The following CSMD1 variants were observed in gnomAD, a reference collection of about 807,000 sequenced individuals.
CSMD1 encodes the protein CUB and sushi domain-containing protein 1.
A neutral mutation model predicts 417.5 loss-of-function variants in CSMD1; 213 were observed. The observed-to-expected ratio is 0.51, with a 90% CI of 0.46 to 0.57. The LOEUF (loss-of-function observed/expected upper bound fraction) is 0.57, where lower values mean the gene tolerates loss of function less well. CSMD1 is among the 20% of genes least tolerant of loss of function. CSMD1 has a pLI of 0.00. For missense variants in CSMD1, 6,923 were observed against 4,529.7 expected (o/e 1.53, Z -15.17); for synonymous variants, 2,862 against 1,736.8 (o/e 1.65, Z -16.11).
intron 5 of CSMD1, among the ~76,000 whole-genome samples, chr8:3,889,494 A>ATATATATATATATATATATAT (rs1554475387): frequency 2.6e-5 from 1 of 38,476 alleles, no homozygotes; most frequent in Non-Finnish European, 5.1e-5. Context: ...TATATATATA[A>ATATATATATATATATATATAT]AATATGCTCA....
intron 3 of CSMD1, among the ~76,000 whole-genome samples, chr8:4,223,126 A>T (rs1359333005): frequency 1.3e-5 from 2 of 151,782 alleles, no homozygotes; most frequent in Admixed American, 6.6e-5. Flanking sequence ...CAAGTGGCTC[A>T]GTAAGACCTT....
chr8:3,704,613 G>C (rs1052170506), intron 7 of CSMD1: 6 of 152,214 alleles, frequency 3.9e-5, no homozygotes, highest in Non-Finnish European at 7.3e-5. Flanking sequence ...CCTCTGCCTT[G>C]TGAAAAGCTT....
intron 50 of CSMD1, 126 bp from the exon 51 acceptor site, chr8:3,029,639 G>C: frequency 2.1e-5 from 15 of 709,510 alleles, no homozygotes; most frequent in Non-Finnish European, 3.0e-5. Context: ...ATGCCATTAC[G>C]TATTATCTCA....
At chr8:3,447,500 T>G (rs1204468963) in intron 12 of CSMD1, among the ~76,000 whole-genome samples, 1 of 152,156 alleles carries the variant, frequency 6.6e-6, no homozygotes, top group Admixed American at 6.5e-5. Flanking sequence ...GAATGGGAAG[T>G]GCAGGCAGTG....
At chr8:2,959,985 C>T (rs970903855) in intron 62 of CSMD1, among the ~76,000 whole-genome samples, 2 of 151,874 alleles carry the variant, frequency 1.3e-5, no homozygotes, top group Non-Finnish European at 2.9e-5. Flanking sequence ...TTTATCCAAC[C>T]CTATTAGTGT....
chr8:4,178,496 A>C (rs563728064), intron 3 of CSMD1, among the ~76,000 whole-genome samples: 3 of 151,414 alleles, frequency 2.0e-5, no homozygotes, highest in East Asian at 1.9e-4. Flanking sequence ...CAAAAACTGG[A>C]AGCATTCCCT....
chr8:3,948,795 T>G (rs1467762762), intron 5 of CSMD1, among the ~76,000 whole-genome samples: 1 of 151,518 alleles, frequency 6.6e-6, no homozygotes, highest in Non-Finnish European at 1.5e-5. Flanking sequence ...CAAAAGCAGT[T>G]TTACTACCCA....
intron 12 of CSMD1, among the ~76,000 whole-genome samples, chr8:3,414,595 G>C (rs17066057): frequency 0.2 from 30,239 of 151,956 alleles, 3,191 homozygotes; most frequent in East Asian, 0.26. Flanking sequence ...AAGGATAACC[G>C]TACCTTGCTT....
chr8:3,350,673 C>G (rs1020531874), intron 21 of CSMD1, among the ~76,000 whole-genome samples: 1 of 152,050 alleles, frequency 6.6e-6, no homozygotes. Flanking sequence ...TTAATTGCAG[C>G]TGATATTTGT....
chr8:4,296,691 T>G (rs1015237300), intron 3 of CSMD1, among the ~76,000 whole-genome samples: 1 of 117,310 alleles, frequency 8.5e-6, no homozygotes, highest in Non-Finnish European at 1.7e-5. Flanking sequence ...AACACGAAAA[T>G]AAGGGTTTTT....
At chr8:3,522,531 C>A (rs960873695) in intron 10 of CSMD1, among the ~76,000 whole-genome samples, 1 of 151,944 alleles carries the variant, frequency 6.6e-6, no homozygotes, top group Non-Finnish European at 1.5e-5. Context: ...ATTGGTAGCC[C>A]CCTGAGTTAT....
chr8:4,375,121 AAAATGGC>A lies in CSMD1; in HGVS notation c.415+44825_415+44831del, dbSNP rs1391437173. 2.0e-5 allele frequency among the ~76,000 whole-genome samples: 3 copies of A among 152,294 alleles called. No individual in the cohort carries two copies. The East Asian group carries it at 5.8e-4, about 29-fold the overall frequency. On this transcript the variant is annotated intron_variant, in intron 3 of 69. Transcript: ENST00000635120. Reference sequence around the variant, plus strand: ...TTGGCAGACCTGAAGAACGAAGTCAAAAATGGCAACTGTAGATAGGTGAAAATACAGT... The same window carrying A: ...TTGGCAGACCTGAAGAACGAAGTCAAAACTGTAGATAGGTGAAAATACAGT...
chr8:4,045,115 G>A (rs2740900), intron 3 of CSMD1, among the ~76,000 whole-genome samples: 69,585 of 151,928 alleles, frequency 0.46, 16,379 homozygotes, highest in South Asian at 0.56. Context: ...CACTGAACAT[G>A]GCAGTCACCA....
At chr8:4,139,691 G>C (rs984745298) in intron 3 of CSMD1, among the ~76,000 whole-genome samples, 1 of 151,164 alleles carries the variant, frequency 6.6e-6, no homozygotes, top group Admixed American at 6.6e-5. Context: ...GCAAATGTTA[G>C]AATGATGATT....
At chr8:3,910,525 G>C (rs1371589561) in intron 5 of CSMD1, among the ~76,000 whole-genome samples, 1 of 152,148 alleles carries the variant, frequency 6.6e-6, no homozygotes, top group Non-Finnish European at 1.5e-5. Flanking sequence ...TTACAAAGAA[G>C]TCAGATTCAA....
intron 5 of CSMD1, among the ~76,000 whole-genome samples, chr8:3,935,641 T>C (rs577628710): frequency 6.6e-6 from 1 of 152,276 alleles, no homozygotes; most frequent in African/African-American, 2.4e-5. Flanking sequence ...TATGTGTCCA[T>C]ATAAGTGGTA....
intron 4 of CSMD1, among the ~76,000 whole-genome samples, chr8:4,030,613 G>C (rs571899960): frequency 6.6e-6 from 1 of 152,204 alleles, no homozygotes; most frequent in South Asian, 2.1e-4. Context: ...AGGGGTTGCT[G>C]TGAAGACCTC....
At chr8:4,829,199 T>C (rs1419963771) in intron 1 of CSMD1, among the ~76,000 whole-genome samples, 1 of 152,240 alleles carries the variant, frequency 6.6e-6, no homozygotes, top group Non-Finnish European at 1.5e-5. Context: ...AATCTTCTAA[T>C]AAAGACTGCT....
intron 3 of CSMD1, among the ~76,000 whole-genome samples, chr8:4,094,475 C>A (rs1299068032): frequency 2.0e-5 from 3 of 152,044 alleles, no homozygotes; most frequent in Non-Finnish European, 2.9e-5. Flanking sequence ...GAAGATGATG[C>A]CTGGATTAAC....
Sources: allele counts gnomAD v4.1 joint callset (sites outside exome capture counted in the v4.1 genomes callset), GRCh38; gene constraint gnomAD v4.1.1; transcripts MANE v1.5; gene names NCBI Gene and HGNC (gene_info 2026-07-23, HGNC 2026-07-21).